Variants in SLCO1A2 observed in about 807,000 individuals in gnomAD.
The protein encoded by SLCO1A2 is solute carrier organic anion transporter family member 1A2, also known as OATP-1.
In SLCO1A2, 67 loss-of-function variants were observed where a neutral mutation model predicts 69.0. The observed-to-expected ratio is 0.97, with a 90% CI of 0.80 to 1.19. SLCO1A2 has a LOEUF of 1.19. SLCO1A2 is among the 50% of genes most tolerant of loss of function. SLCO1A2 has a pLI of 0.00. For missense variants in SLCO1A2, 787 were observed against 793.7 expected (o/e 0.99, Z 0.10); for synonymous variants, 260 against 265.9 (o/e 0.98, Z 0.22).
intron 2 of SLCO1A2, among the ~76,000 whole-genome samples, chr12:21,328,741 C>T (rs1331904492): frequency 6.6e-6 from 1 of 150,396 alleles, no homozygotes; most frequent in Admixed American, 6.6e-5. Flanking sequence ...GGAGGGATTT[C>T]CCCCACCCAG....
chr12:21,293,990 A>G lies in SLCO1A2; in HGVS notation c.1392T>C (p.Ala464=), dbSNP rs867678197. The G allele has an allele frequency of 6.2e-7, 1 of 1,612,962 alleles. No individual in the cohort carries two copies. The highest frequency in any genetic ancestry group is 1.7e-5 in the Admixed American group (1 of 59,840). The change falls in exon 11 of 15, where the codon GCT becomes GCC. Residue 464 remains alanine, a synonymous_variant. Transcript: ENST00000683939. Reference sequence around the variant, plus strand: ...TGGATGTCTCACAACCAGCAAGACAAGCTGACAGATATGACAAGCCATTGT... The same window carrying G: ...TGGATGTCTCACAACCAGCAAGACAGGCTGACAGATATGACAAGCCATTGT... ...CGNNGLSYLS[A]CLAGCETSIG...
At chr12:21,345,421 C>T (rs1053703045) in intron 2 of SLCO1A2, among the ~76,000 whole-genome samples, 1 of 151,934 alleles carries the variant, frequency 6.6e-6, no homozygotes, top group South Asian at 2.1e-4. Flanking sequence ...GTGATGGGTT[C>T]GTTGGCATGC....
rs1011384233 is a variant in SLCO1A2 at position 21,413,934 on chromosome 12, G to A, written c.-312+3948C>T. On this transcript the variant is annotated intron_variant, in intron 1 of 4. Coordinates refer to the SLCO1A2 transcript ENST00000413682. ...GCAGACAGGCCTTGAAAGTACTGGA[G>A]CCCTCACAGCTTCACTGGACTTAGC... Among the ~76,000 whole-genome samples the A allele has an allele frequency of 3.9e-5, 6 of 152,260 alleles. No homozygotes were observed. In the East Asian group the frequency reaches 7.7e-4, roughly 20 times the overall value.
chr12:21,416,365 C>CAG, intron 1 of SLCO1A2, among the ~76,000 whole-genome samples: 1 of 151,830 alleles, frequency 6.6e-6, no homozygotes, highest in African/African-American at 2.4e-5. Context: ...GGCACACACA[C>CAG]ACACACACAC....
At chr12:21,333,681 A>G (rs1438645675) in intron 2 of SLCO1A2, among the ~76,000 whole-genome samples, 1 of 152,116 alleles carries the variant, frequency 6.6e-6, no homozygotes, top group Admixed American at 6.6e-5. Context: ...AATGCTTTTA[A>G]TATTAATAGC....
In SLCO1A2 at chr12:21,300,534, C is replaced by T. The variant is rs1948583114; in HGVS notation, c.724G>A (p.Val242Ile). 2 of 1,612,634 alleles carry T rather than the reference C, an allele frequency of 1.2e-6. No homozygotes were observed. Among genetic ancestry groups the T allele is most frequent in the East Asian group, 2.2e-5 (1 of 44,798 alleles). ...LIITPTDTRWVGAWWFGFLIC... is the reference protein window; with the variant it reads ...LIITPTDTRWIGAWWFGFLIC... ...AGAAAGCCAAACCACCATGCACCGA[C>T]CCAACGAGTGTCAGTGGGAGTTATG... is the stretch of plus-strand genomic sequence containing the variant. The change falls in exon 8 of 15, where the codon GTC (valine) becomes ATC (isoleucine). Residue 242 changes from valine (V) to isoleucine (I), a missense_variant. By Grantham distance (29) the Val-to-Ile change is conservative. Coordinates refer to ENST00000683939, the MANE Select transcript of SLCO1A2 (RefSeq NM_001386879.1).
At chr12:21,373,623 T>G (rs2137094497) in intron 2 of SLCO1A2, 1 of 700,222 alleles carries the variant, frequency 1.4e-6, no homozygotes, top group African/African-American at 1.8e-5. Context: ...ATAAATATCT[T>G]TGATGGAACT....
At chr12:21,336,889 C>A (rs970587797), upstream of SLCO1A2, among the ~76,000 whole-genome samples, 3 of 151,974 alleles carry the variant, frequency 2.0e-5, no homozygotes, top group Admixed American at 2.0e-4. Context: ...ATCATCACTT[C>A]TAATGAAAAA....
intron 2 of SLCO1A2, among the ~76,000 whole-genome samples, chr12:21,369,141 G>T (rs1207437738): frequency 6.6e-6 from 1 of 152,076 alleles, no homozygotes; most frequent in Non-Finnish European, 1.5e-5. Context: ...TTTTTAAAAT[G>T]ATATATAAAA....
At chr12:21,378,491 C>A in intron 1 of SLCO1A2, 3 of 1,287,360 alleles carry the variant, frequency 2.3e-6, no homozygotes, top group Non-Finnish European at 3.4e-6. Flanking sequence ...TTTAACAGTG[C>A]CCTTTTCATC....
chr12:21,393,348 T>C (rs1204756102), intron 1 of SLCO1A2, among the ~76,000 whole-genome samples: 1 of 152,132 alleles, frequency 6.6e-6, no homozygotes. Context: ...GAAAACCAGT[T>C]TCCTTTATTT....
intron 2 of SLCO1A2, among the ~76,000 whole-genome samples, chr12:21,322,381 A>G (rs569309491): frequency 1.1e-4 from 16 of 152,334 alleles, no homozygotes; most frequent in Non-Finnish European, 1.9e-4. Flanking sequence ...GTCAGGGCAC[A>G]GCTTGCTTTT....
chr12:21,405,757 C>G (rs746118422), intron 1 of SLCO1A2, among the ~76,000 whole-genome samples: 3 of 152,152 alleles, frequency 2.0e-5, no homozygotes, highest in Non-Finnish European at 2.9e-5. Flanking sequence ...CAAAAATTAA[C>G]TCCAGATGGA....
chr12:21,371,800 C>T (rs960523705), intron 2 of SLCO1A2, among the ~76,000 whole-genome samples: 1 of 151,914 alleles, frequency 6.6e-6, no homozygotes, highest in Non-Finnish European at 1.5e-5. Context: ...GTTGGGAGTT[C>T]GAGACCAGCC....
chr12:21,294,234 T>G, intron 10 of SLCO1A2, 124 bp from the exon 11 acceptor site: 1 of 756,896 alleles, frequency 1.3e-6, no homozygotes, highest in South Asian at 2.1e-5. Context: ...AATTTTCCAG[T>G]CATCAATGTG....
At chr12:21,373,297 A>G (rs1939934207) in intron 2 of SLCO1A2, 1 of 1,180,058 alleles carries the variant, frequency 8.5e-7, no homozygotes, top group Non-Finnish European at 1.3e-6. Flanking sequence ...TTAGAACTGT[A>G]AGAAATCTCT....
At chr12:21,314,927 G>A (rs543709535) in intron 3 of SLCO1A2, among the ~76,000 whole-genome samples, 1 of 152,190 alleles carries the variant, frequency 6.6e-6, no homozygotes, top group Non-Finnish European at 1.5e-5. Context: ...TTACAGAGGG[G>A]AGAAGAAGAG....
intron 1 of SLCO1A2, among the ~76,000 whole-genome samples, chr12:21,400,874 T>C (rs868266529): frequency 2.1e-5 from 2 of 96,382 alleles, no homozygotes; most frequent in Non-Finnish European, 3.9e-5. Flanking sequence ...CTGGGGACTG[T>C]TGTGGGGTGG....
intron 1 of SLCO1A2, chr12:21,376,333 C>A (rs1002059648): frequency 5.6e-6 from 2 of 356,248 alleles, no homozygotes; most frequent in African/African-American, 2.2e-5. Context: ...ATGTTTGGAC[C>A]AAATTCCAAT....
Sources: gnomAD v4.1 joint callset for allele counts (sites outside exome capture counted in the v4.1 genomes callset) on GRCh38, gnomAD v4.1.1 for gene constraint, MANE v1.5 for transcripts, NCBI Gene and HGNC (gene_info 2026-07-23, HGNC 2026-07-21) for gene names.